DDHD2: variants seen among roughly 807,000 people sequenced by gnomAD.
The protein encoded by DDHD2 is triacylglycerol hydrolase DDHD2.
Under a neutral mutation model 91.2 loss-of-function variants are expected in DDHD2, and 62 were observed. The ratio of observed to expected loss-of-function variants is 0.68; its 90% CI spans 0.55 to 0.84. The LOEUF (loss-of-function observed/expected upper bound fraction) is 0.84. Ranked by LOEUF, DDHD2 falls within the 40% of genes least tolerant of loss-of-function variation. DDHD2 has a pLI of 0.00. For synonymous variants in DDHD2, 271 were observed against 293.9 expected, an observed-to-expected ratio of 0.92 and a Z score of 0.80; for missense variants, 740 against 846.9, an observed-to-expected ratio of 0.87 and a Z score of 1.57.
chr8:38,240,376 A>G lies in DDHD2; in HGVS notation c.712+12A>G, dbSNP rs1437046177. On this transcript the variant is annotated intron_variant, in intron 6 of 17. Transcript: ENST00000397166. ...CATTGTACAGTGTGGTAGGTTTGCA[A>G]AGCATGTGAGAGAATATTAATCAGT... 1.3e-6 allele frequency: 2 copies of G among 1,579,552 alleles called. No individual in the cohort carries two copies. The highest frequency in any genetic ancestry group is 2.2e-5 in the East Asian group (1 of 44,504).
At chr8:38,253,288 G>A in intron 15 of DDHD2, 161 bp downstream of exon 15, 1 of 860,112 alleles carries the variant, frequency 1.2e-6, no homozygotes, top group Non-Finnish European at 1.7e-6. Flanking sequence ...ATTCCTGCTT[G>A]CATTTAGTAT....
chr8:38,242,573 C>T lies in DDHD2; in HGVS notation c.848+188C>T, dbSNP rs571980067. Among the ~76,000 whole-genome samples the T allele has an allele frequency of 5.3e-5, 8 of 152,270 alleles. No individual in the cohort carries two copies. The South Asian group carries it at 1.5e-3, about 28-fold the overall frequency. ...AGGAGTGGAGAGCTGTGTGTATCTTCAGTATGTTTTACTGGCTCACTAGTA... is the reference window on the plus strand; with the variant it reads ...AGGAGTGGAGAGCTGTGTGTATCTTTAGTATGTTTTACTGGCTCACTAGTA... On this transcript the variant is annotated intron_variant, in intron 7 of 17. Coordinates refer to ENST00000397166, the MANE Select transcript of DDHD2 (RefSeq NM_015214.3).
At chr8:38,247,951 G>A in intron 10 of DDHD2, 116 bp downstream of exon 10, 1 of 792,718 alleles carries the variant, frequency 1.3e-6, no homozygotes, top group Non-Finnish European at 1.9e-6. Context: ...TATGATTAAT[G>A]TTCCTTAGCA....
chr8:38,232,693 GC>G (rs1371404363), intron 1 of DDHD2, among the ~76,000 whole-genome samples: 1 of 152,174 alleles, frequency 6.6e-6, no homozygotes, highest in Non-Finnish European at 1.5e-5. Flanking sequence ...CTAGTTTCGA[GC>G]ATGTGGTCCT....
intron 16 of DDHD2, chr8:38,255,285 T>C: frequency 2.2e-6 from 1 of 452,720 alleles, no homozygotes; most frequent in Non-Finnish European, 4.3e-6. Context: ...ATGCAATCAC[T>C]ATCGTTTGTA....
chr8:38,271,146 A>G (rs1808460967), exon 2 of DDHD2: 1 of 152,196 alleles, frequency 6.6e-6, no homozygotes, highest in Non-Finnish European at 1.5e-5. Flanking sequence ...AATGTGTTCA[A>G]TCAATCTGAG....
At position 38,261,764 on chromosome 8, in the gene DDHD2, G is replaced by C. The variant is rs1807048677; in HGVS notation, c.*1191G>C. 1 of 152,078 alleles carries C rather than the reference G, an allele frequency of 6.6e-6. No homozygotes were observed. The highest frequency in any genetic ancestry group is 1.5e-5 in the Non-Finnish European group (1 of 68,008). The allele number at this position is 152,078 out of a possible 1,614,324, so 9.4% of individuals were successfully genotyped here. On this transcript the variant is annotated 3_prime_UTR_variant, in exon 18 of 18. Coordinates refer to ENST00000397166, the MANE Select transcript of DDHD2 (RefSeq NM_015214.3). ...GTGACTGCACACTAATTTTGTCAAGGCATCTTTTCACTACTTTGCTGTAGA... is the reference window on the plus strand; with the variant it reads ...GTGACTGCACACTAATTTTGTCAAGCCATCTTTTCACTACTTTGCTGTAGA...
intron 6 of DDHD2, 72 bp from the exon 7 acceptor site, chr8:38,242,178 A>G (rs751837708): frequency 4.1e-6 from 5 of 1,206,892 alleles, no homozygotes; most frequent in Non-Finnish European, 5.8e-6. Flanking sequence ...GTATAATTAC[A>G]TGATTTGTTG....
intron 8 of DDHD2, 48 bp from the exon 9 acceptor site, chr8:38,246,185 T>C (rs751797460): frequency 2.1e-5 from 29 of 1,384,110 alleles, no homozygotes; most frequent in Non-Finnish European, 2.9e-5. Flanking sequence ...CAGAGAGCCA[T>C]TTAGTGCTAA....
At chr8:38,269,558 C>T (rs1279709233) in intron 1 of DDHD2, 1 of 288,064 alleles carries the variant, frequency 3.5e-6, no homozygotes, top group African/African-American at 2.2e-5. Context: ...GATCCTCGTT[C>T]CTTAGCAACA....
intron 1 of DDHD2, chr8:38,269,149 C>T (rs1481257408): frequency 6.6e-7 from 1 of 1,516,286 alleles, no homozygotes; most frequent in Non-Finnish European, 8.8e-7. Context: ...ACAGCGCGAG[C>T]CGCACGCCCA....
Position 38,253,725 on chromosome 8 carries a change from G to A in DDHD2, c.2054+7G>A. ...AAAGCCATCTATGCTACTGGTAAAT[G>A]TTGTTTATTTTTGTCTGTTTTGTTT... On this transcript the variant is annotated splice_region_variant and intron_variant, in intron 16 of 17. Coordinates refer to ENST00000397166, the MANE Select transcript of DDHD2 (RefSeq NM_015214.3). 2 of 1,610,904 alleles carry A rather than the reference G, an allele frequency of 1.2e-6. No individual in the cohort carries two copies. The highest frequency in any genetic ancestry group is 1.7e-6 in the Non-Finnish European group (2 of 1,178,804).
chr8:38,265,097 C>T, downstream of DDHD2: 3 of 631,540 alleles, frequency 4.8e-6, 1 homozygote, highest in South Asian at 5.6e-5. Context: ...GAAACCCTGT[C>T]TCTACTAAAA....
chr8:38,272,325 T>G (rs1808501580), downstream of DDHD2: 2 of 152,020 alleles, frequency 1.3e-5, no homozygotes, highest in South Asian at 4.1e-4. Context: ...AGAATTAAGA[T>G]AAGAGTGGGA....
At chr8:38,272,672 A>T (rs1413501551), downstream of DDHD2, 2 of 152,258 alleles carry the variant, frequency 1.3e-5, no homozygotes, top group Non-Finnish European at 2.9e-5. Flanking sequence ...GTTAAAAAAA[A>T]TACCACCATT....
downstream of DDHD2, chr8:38,267,335 A>G (rs778181016): frequency 1.9e-6 from 3 of 1,614,014 alleles, no homozygotes; most frequent in Non-Finnish European, 2.5e-6. Flanking sequence ...TGTACACATC[A>G]AGTCAGAATG....
chr8:38,238,294 A>G, intron 5 of DDHD2, 85 bp downstream of exon 5: 1 of 1,568,764 alleles, frequency 6.4e-7, no homozygotes. Context: ...GATTTAGATT[A>G]CCTCAAGGCT....
chr8:38,255,936 A>G (rs1235120985), intron 16 of DDHD2, among the ~76,000 whole-genome samples: 1 of 152,186 alleles, frequency 6.6e-6, no homozygotes, highest in Non-Finnish European at 1.5e-5. Context: ...ACCTTTTTAT[A>G]CTCCCAGCAA....
In DDHD2 at chr8:38,251,981, A is replaced by C; in HGVS notation, c.1414A>C (p.Ser472Arg). 6.2e-7 allele frequency: 1 copy of C among 1,614,242 alleles called. No individual in the cohort carries two copies. Among genetic ancestry groups the C allele is most frequent in the Non-Finnish European group, 8.5e-7 (1 of 1,180,026 alleles). The change falls in exon 12 of 18, where the codon AGC becomes CGC. Residue 472 changes from serine (S) to arginine (R), a missense_variant. Around this residue, in one of 2 missense-constraint regions of DDHD2, gnomAD observed 693 missense variants for 764.2 expected, o/e 0.91. Coordinates refer to ENST00000397166, the MANE Select transcript of DDHD2 (RefSeq NM_015214.3). ...CCCCAAAGAATCTGAGTTCTGCAGT[A>C]GCAGTAATACTAGAAATGGTGACTA... ...NIPKESEFCS[S>R]SNTRNGDYLD...
Sources: gnomAD v4.1 joint callset for allele counts (sites outside exome capture counted in the v4.1 genomes callset) on GRCh38, gnomAD v4.1.1 for gene constraint, gnomAD v4.1.1 regional missense constraint, MANE v1.5 for transcripts, NCBI Gene and HGNC (gene_info 2026-07-23, HGNC 2026-07-21) for gene names.